Variants in LSP1 observed in about 807,000 individuals in gnomAD.
The protein encoded by LSP1 is lymphocyte specific protein 1.
A neutral mutation model predicts 49.3 loss-of-function variants in LSP1; 32 were observed. The ratio of observed to expected loss-of-function variants is 0.65; its 90% CI spans 0.49 to 0.87. The LOEUF (loss-of-function observed/expected upper bound fraction) is 0.87. Ranked by LOEUF, LSP1 falls within the 40% of genes least tolerant of loss-of-function variation. The pLI is 0.00. For missense variants in LSP1, 428 were observed against 442.6 expected, an observed-to-expected ratio of 0.97 and a Z score of 0.30; for synonymous variants, 179 against 178.8, an observed-to-expected ratio of 1.00 and a Z score of -0.01.
chr11:1,880,253 C>T, intron 2 of LSP1, 29 bp downstream of exon 2: 1 of 1,547,436 alleles, frequency 6.5e-7, no homozygotes, highest in Non-Finnish European at 8.7e-7. Flanking sequence ...CGTGCCTGGG[C>T]TCTAGCCCCT....
chr11:1,882,481 C>G (rs1305875743), intron 3 of LSP1, among the ~76,000 whole-genome samples: 1 of 152,164 alleles, frequency 6.6e-6, no homozygotes. Flanking sequence ...CCTGGCCTGG[C>G]GCAGTGCCCA....
At chr11:1,877,142 G>A (rs1848344714) in intron 1 of LSP1, among the ~76,000 whole-genome samples, 1 of 152,206 alleles carries the variant, frequency 6.6e-6, no homozygotes, top group Non-Finnish European at 1.5e-5. Context: ...GGCCTGGGCC[G>A]CTGGCCGGGG....
At chr11:1,868,639 A>G (rs1847873801) in intron 1 of LSP1, 5 of 985,264 alleles carry the variant, frequency 5.1e-6, no homozygotes, top group Non-Finnish European at 6.0e-6. Context: ...TCCAGGCCTG[A>G]GATCCTGAGG....
At chr11:1,889,285 G>A (rs1480747537) in intron 10 of LSP1, 1 of 697,302 alleles carries the variant, frequency 1.4e-6, no homozygotes, top group African/African-American at 1.8e-5. Flanking sequence ...TACAGGAAGG[G>A]CAGGCGGGTG....
chr11:1,876,604 C>T (rs1483740661), intron 1 of LSP1: 1 of 985,538 alleles, frequency 1.0e-6, no homozygotes, highest in South Asian at 4.7e-5. Flanking sequence ...GGGGACCGAG[C>T]CGGACACCCA....
chr11:1,871,163 G>T, intron 1 of LSP1: 1 of 985,622 alleles, frequency 1.0e-6, no homozygotes, highest in Non-Finnish European at 1.2e-6. Context: ...TTAGTGACAC[G>T]GAGGAAGACA....
intron 1 of LSP1, among the ~76,000 whole-genome samples, chr11:1,873,780 C>T (rs1015918356): frequency 6.6e-6 from 1 of 151,188 alleles, no homozygotes; most frequent in African/African-American, 2.5e-5. Flanking sequence ...AGGAAGTAGC[C>T]ATCAGGGTGG....
At chr11:1,887,619 C>T (rs369964195) in intron 10 of LSP1, 43 bp downstream of exon 10, 21 of 1,501,156 alleles carry the variant, frequency 1.4e-5, no homozygotes, top group East Asian at 4.5e-5. Flanking sequence ...GGTGCACACA[C>T]GTGCACTGTG....
rs1011249924 is a variant in LSP1 at position 1,855,710 on chromosome 11, G to A, written c.53+2513G>A. ...CTCCACTCGGGGGCACTCCTGTCTC[G>A]CCCCGCTGTCCAGCAGACAGTCACT... On this transcript the variant is annotated intron_variant, in intron 1 of 10. Coordinates refer to ENST00000311604, the MANE Select transcript of LSP1 (RefSeq NM_002339.3). Among the ~76,000 whole-genome samples the A allele has an allele frequency of 1.2e-4, 19 of 152,198 alleles. 1 individual carries two copies. The highest frequency in any genetic ancestry group is 4.1e-4 in the African/African-American group (17 of 41,454).
At chr11:1,881,827 AG>A (rs1196870495) in intron 3 of LSP1, among the ~76,000 whole-genome samples, 1 of 152,020 alleles carries the variant, frequency 6.6e-6, no homozygotes, top group Non-Finnish European at 1.5e-5. Flanking sequence ...AGGGGGAGAC[AG>A]GAGGGGAGGG....
At chr11:1,875,121 C>T (rs1463220179) in intron 1 of LSP1, among the ~76,000 whole-genome samples, 3 of 149,064 alleles carry the variant, frequency 2.0e-5, no homozygotes, top group East Asian at 1.9e-4. Context: ...GCAGAGCCTC[C>T]GGCCCCTGCC....
In LSP1 at chr11:1,884,711, C is replaced by A; in HGVS notation, c.717+130C>A. ...AACACCCTATCCAACCAATGCTTCTCCATCCAGTCAGTGCCCCTCTACCCA... is the reference window on the plus strand; with the variant it reads ...AACACCCTATCCAACCAATGCTTCTACATCCAGTCAGTGCCCCTCTACCCA... On this transcript the variant is annotated intron_variant, in intron 7 of 10. Transcript: ENST00000311604. The surrounding 1 kb of genome is among the most constrained non-coding windows in gnomAD (Gnocchi z 4.1). 1 of 727,648 alleles carries A rather than the reference C, an allele frequency of 1.4e-6. No individual in the cohort carries two copies. The highest frequency in any genetic ancestry group is 2.4e-6 in the Non-Finnish European group (1 of 424,738). The allele number at this position is 727,648 out of a possible 1,614,324, so 45.1% of individuals were successfully genotyped here.
chr11:1,858,355 G>C (rs1170214415), intron 1 of LSP1, among the ~76,000 whole-genome samples: 2 of 152,218 alleles, frequency 1.3e-5, no homozygotes, highest in Admixed American at 1.3e-4. Context: ...AAGAGCACCA[G>C]AGCACTGCTC....
chr11:1,873,193 G>T (rs950470065), intron 1 of LSP1, among the ~76,000 whole-genome samples: 1 of 151,924 alleles, frequency 6.6e-6, no homozygotes. Context: ...CTGTGCGGGT[G>T]GGGGGCGGCT....
chr11:1,854,245 T>C (rs958041476), intron 1 of LSP1, among the ~76,000 whole-genome samples: 28 of 152,058 alleles, frequency 1.8e-4, no homozygotes, highest in Non-Finnish European at 2.9e-4. Context: ...GGGGCCCAGG[T>C]TGCAGAAAGA....
intron 10 of LSP1, among the ~76,000 whole-genome samples, chr11:1,888,392 G>A (rs1349528920): frequency 2.0e-5 from 3 of 152,048 alleles, no homozygotes; most frequent in African/African-American, 7.2e-5. Context: ...TCATCCAGCT[G>A]TCAAAGCCTG....
chr11:1,873,627 AAGG>A (rs140825341), intron 1 of LSP1, among the ~76,000 whole-genome samples: 20,198 of 149,794 alleles, frequency 0.13, 1,754 homozygotes, highest in Middle Eastern at 0.24. Flanking sequence ...AGGGAAGGAG[AAGG>A]AGAAGAATGG....
chr11:1,882,315 C>T (rs911562401), intron 3 of LSP1, among the ~76,000 whole-genome samples: 23 of 152,286 alleles, frequency 1.5e-4, no homozygotes, highest in African/African-American at 5.3e-4. Flanking sequence ...TGAGTGGGAC[C>T]AGAGCCCATG....
intron 1 of LSP1, among the ~76,000 whole-genome samples, chr11:1,865,974 C>T (rs868041819): frequency 3.9e-5 from 6 of 152,042 alleles, no homozygotes; most frequent in African/African-American, 1.4e-4. Context: ...GTGCCCTCTC[C>T]CAGCCTGTTT....
Sources: gnomAD v4.1 joint callset for allele counts (sites outside exome capture counted in the v4.1 genomes callset) on GRCh38, gnomAD v4.1.1 for gene constraint, Gnocchi (gnomAD v3.1) non-coding constraint, MANE v1.5 for transcripts, NCBI Gene and HGNC (gene_info 2026-07-23, HGNC 2026-07-21) for gene names.